Variants in SH3PXD2B observed in about 807,000 individuals in gnomAD.
The protein encoded by SH3PXD2B is SH3 and PX domains 2B, also known as SH3 and PX domain-containing protein 2B.
In SH3PXD2B, 37 loss-of-function variants were observed where a neutral mutation model predicts 73.1. The observed-to-expected ratio is 0.51, with a 90% CI of 0.39 to 0.67. The LOEUF (loss-of-function observed/expected upper bound fraction) is 0.67. Ranked by LOEUF, SH3PXD2B falls within the 30% of genes least tolerant of loss-of-function variation. SH3PXD2B has a pLI of 0.00. For synonymous variants in SH3PXD2B, 457 were observed against 480.5 expected (o/e 0.95, Z 0.64); for missense variants, 1,053 against 1,197.8 (o/e 0.88, Z 1.78).
At chr5:172,402,452 C>T (rs1313789191) in intron 3 of SH3PXD2B, among the ~76,000 whole-genome samples, 4 of 152,224 alleles carry the variant, frequency 2.6e-5, no homozygotes, top group Non-Finnish European at 5.9e-5. Context: ...GTGACCCACA[C>T]CCTATTCGTA....
At chr5:172,362,987 T>C in intron 6 of SH3PXD2B, 118 bp from the exon 7 acceptor site, 1 of 1,336,990 alleles carries the variant, frequency 7.5e-7, no homozygotes, top group South Asian at 1.2e-5. Context: ...GTTACAGGAC[T>C]CATCTCAAGG....
chr5:172,381,606 G>A (rs1398795118), intron 5 of SH3PXD2B, among the ~76,000 whole-genome samples: 1 of 152,196 alleles, frequency 6.6e-6, no homozygotes, highest in Non-Finnish European at 1.5e-5. Flanking sequence ...TGGTCAGGAT[G>A]AAATCCCGGC....
intron 1 of SH3PXD2B, among the ~76,000 whole-genome samples, chr5:172,430,954 C>T (rs960219383): frequency 6.6e-6 from 1 of 152,092 alleles, no homozygotes. Flanking sequence ...GCAACCTCCA[C>T]ATCCCGGGTT....
chr5:172,356,488 C>G (rs925216813), intron 8 of SH3PXD2B, among the ~76,000 whole-genome samples: 1 of 152,234 alleles, frequency 6.6e-6, no homozygotes, highest in African/African-American at 2.4e-5. Flanking sequence ...ACCTGAGAAA[C>G]TTTAAATCCC....
rs1156764518 is a variant in SH3PXD2B, at chr5:172,362,876, A to C, written c.428-7T>G. 1 of 1,613,926 alleles carries C rather than the reference A, an allele frequency of 6.2e-7. No homozygotes were observed. Among genetic ancestry groups the C allele is most frequent in the Non-Finnish European group, 8.5e-7 (1 of 1,180,038 alleles). On this transcript the variant is annotated splice_region_variant and splice_polypyrimidine_tract_variant and intron_variant, in intron 6 of 12. Coordinates refer to ENST00000311601, the MANE Select transcript of SH3PXD2B (RefSeq NM_001017995.3). ...ACTGAGGTTTGGTCACCCCCTGTGG[A>C]TAGGAAACAGACATGACATCTGGCC...
chr5:172,431,093 C>G (rs1759227552), intron 1 of SH3PXD2B, among the ~76,000 whole-genome samples: 1 of 152,192 alleles, frequency 6.6e-6, no homozygotes, highest in African/African-American at 2.4e-5. Flanking sequence ...TCTCGAACTT[C>G]TGGTCTCAGG....
chr5:172,349,740 C>G (rs987881439), intron 10 of SH3PXD2B, among the ~76,000 whole-genome samples: 2 of 152,176 alleles, frequency 1.3e-5, no homozygotes, highest in Admixed American at 1.3e-4. Context: ...GTCGATTAGA[C>G]TAATTAGAAG....
rs563336484 is a variant in SH3PXD2B, at chr5:172,445,786, C to T, written c.75+8492G>A. 8.5e-5 allele frequency among the ~76,000 whole-genome samples: 13 copies of T among 152,358 alleles called. No homozygotes were observed. Among genetic ancestry groups the T allele is most frequent in the African/African-American group, 3.1e-4 (13 of 41,592 alleles). ...GCAGGCAGGTGAGCTCTGCCCACAG[C>T]CCCTCCTCCCTTTACCACCTGAAGA... On this transcript the variant is annotated intron_variant, in intron 1 of 12. Transcript: ENST00000311601. The surrounding 1 kb of genome is among the most constrained non-coding windows in gnomAD (Gnocchi z 5.2).
chr5:172,372,084 C>T (rs1240571126), intron 6 of SH3PXD2B, among the ~76,000 whole-genome samples: 2 of 152,192 alleles, frequency 1.3e-5, no homozygotes, highest in Non-Finnish European at 2.9e-5. Flanking sequence ...GACCACAGGG[C>T]CCGTACCCAG....
At chr5:172,348,671 C>CCTATCTATCTATG (rs1757070692) in intron 10 of SH3PXD2B, among the ~76,000 whole-genome samples, 11 of 55,564 alleles carry the variant, frequency 2.0e-4, no homozygotes, top group African/African-American at 6.0e-4. Flanking sequence ...ATCTATCTAT[C>CCTATCTATCTATG]TATCTATCTA....
intron 1 of SH3PXD2B, among the ~76,000 whole-genome samples, chr5:172,449,390 C>A (rs1416127792): frequency 6.6e-6 from 1 of 152,204 alleles, no homozygotes; most frequent in Non-Finnish European, 1.5e-5. Flanking sequence ...GCATGTAGCC[C>A]AATTCCCACG....
Position 172,338,905 on chromosome 5 carries a change from TG to T in SH3PXD2B, c.2199del (p.Lys734ArgfsTer117). 1.1e-5 allele frequency: 18 copies of T among 1,614,030 alleles called. No individual in the cohort carries two copies. Among genetic ancestry groups the T allele is most frequent in the Non-Finnish European group, 1.4e-5 (17 of 1,179,886 alleles). ...EISCRAPPRP[A>X]KTTDPVSKSV... Reference sequence around the variant, plus strand: ...CTCTTAGACACAGGATCTGTGGTCTTGGCTGGCCTCGGAGGGGCTCTGCAGG... The same window carrying T: ...CTCTTAGACACAGGATCTGTGGTCTTGCTGGCCTCGGAGGGGCTCTGCAGG... On this transcript the variant is annotated frameshift_variant, in exon 13 of 13. Coordinates refer to ENST00000311601, the MANE Select transcript of SH3PXD2B (RefSeq NM_001017995.3). LOFTEE classifies it low-confidence loss of function (END_TRUNC). The surrounding 1 kb of genome is among the most constrained non-coding windows in gnomAD (Gnocchi z 5.1).
intron 2 of SH3PXD2B, among the ~76,000 whole-genome samples, chr5:172,415,414 GA>G (rs1258543337): frequency 1.3e-5 from 2 of 152,198 alleles, no homozygotes; most frequent in African/African-American, 2.4e-5. Context: ...TAGGCAGATT[GA>G]AAGGCAATCC....
chr5:172,394,492 T>C lies in SH3PXD2B; in HGVS notation c.309+71A>G. 2.6e-6 allele frequency: 4 copies of C among 1,510,028 alleles called. No homozygotes were observed. In the South Asian group the frequency reaches 4.6e-5, roughly 18 times the overall value. The allele number at this position is 1,510,028 out of a possible 1,614,324, so 93.5% of individuals were successfully genotyped here. On this transcript the variant is annotated intron_variant, in intron 4 of 12. Coordinates refer to ENST00000311601, the MANE Select transcript of SH3PXD2B (RefSeq NM_001017995.3). ...CACAAATTTTTATTGTTGAGCATCTTGTAGCCAGAAAAAGAAAAGAAAACA... is the reference window on the plus strand; with the variant it reads ...CACAAATTTTTATTGTTGAGCATCTCGTAGCCAGAAAAAGAAAAGAAAACA...
At chr5:172,427,146 T>C (rs1184104205) in intron 1 of SH3PXD2B, among the ~76,000 whole-genome samples, 2 of 152,190 alleles carry the variant, frequency 1.3e-5, no homozygotes, top group African/African-American at 4.8e-5. Context: ...AGACATAAAA[T>C]GGGACATCAT....
downstream of SH3PXD2B, among the ~76,000 whole-genome samples, chr5:172,332,570 CTTCT>C (rs1329206719): frequency 7.3e-6 from 1 of 136,894 alleles, no homozygotes; most frequent in African/African-American, 2.7e-5. Flanking sequence ...TGTTTTTCTC[CTTCT>C]AATGGGGACA....
intron 7 of SH3PXD2B, among the ~76,000 whole-genome samples, chr5:172,361,742 C>T (rs1757408795): frequency 6.6e-6 from 1 of 152,292 alleles, no homozygotes; most frequent in Admixed American, 6.5e-5. Flanking sequence ...ATGGTTGCAT[C>T]AGCTGTGAAG....
chr5:172,439,968 C>T (rs1759516055), intron 1 of SH3PXD2B, among the ~76,000 whole-genome samples: 1 of 152,188 alleles, frequency 6.6e-6, no homozygotes, highest in Non-Finnish European at 1.5e-5. Context: ...GGGAACTTTC[C>T]AATGGCAAGC....
chr5:172,348,645 TCTATCTATC>T (rs1346033827), intron 10 of SH3PXD2B, among the ~76,000 whole-genome samples: 3 of 51,122 alleles, frequency 5.9e-5, no homozygotes, highest in African/African-American at 2.3e-4. Flanking sequence ...TATGTATCTA[TCTATCTATC>T]CTATCTATCT....
Sources: gnomAD v4.1 joint callset for allele counts (sites outside exome capture counted in the v4.1 genomes callset) on GRCh38, gnomAD v4.1.1 for gene constraint, Gnocchi (gnomAD v3.1) non-coding constraint, MANE v1.5 for transcripts, NCBI Gene and HGNC (gene_info 2026-07-23, HGNC 2026-07-21) for gene names.